Variants in NAALADL2 observed in about 807,000 individuals in gnomAD.
The protein encoded by NAALADL2 is N-acetylated alpha-linked acidic dipeptidase like 2.
Under a neutral mutation model 87.2 loss-of-function variants are expected in NAALADL2, and 76 were observed. The observed-to-expected ratio is 0.87, with a 90% CI of 0.72 to 1.05. The LOEUF (loss-of-function observed/expected upper bound fraction) is 1.05. Among genes scored for constraint, NAALADL2 ranks in the 50% least tolerant of loss-of-function variants. The pLI, the probability that NAALADL2 is intolerant of heterozygous loss-of-function variation, is 0.00. For synonymous variants in NAALADL2, 354 were observed against 331.0 expected, an observed-to-expected ratio of 1.07 and a Z score of -0.75; for missense variants, 1,089 against 945.8, an observed-to-expected ratio of 1.15 and a Z score of -1.99.
At chr3:175,724,448 C>A (rs1561039158) in intron 11 of NAALADL2, among the ~76,000 whole-genome samples, 1 of 152,056 alleles carries the variant, frequency 6.6e-6, no homozygotes, top group African/African-American at 2.4e-5. Flanking sequence ...ACTGTAAGAA[C>A]CTTGTCATGA....
At chr3:175,104,383 A>G (rs1343696168) in intron 2 of NAALADL2, among the ~76,000 whole-genome samples, 1 of 152,130 alleles carries the variant, frequency 6.6e-6, no homozygotes, top group Non-Finnish European at 1.5e-5. Flanking sequence ...TGACCCCACA[A>G]GAATATATTT....
intron 11 of NAALADL2, among the ~76,000 whole-genome samples, chr3:175,654,679 T>G (rs1731209662): frequency 1.3e-5 from 2 of 152,164 alleles, no homozygotes; most frequent in African/African-American, 4.8e-5. Flanking sequence ...CTTCACAGAT[T>G]TCTTTTCTTT....
intron 3 of NAALADL2, among the ~76,000 whole-genome samples, chr3:174,768,004 TTACC>T (rs1176578011): frequency 6.6e-6 from 1 of 152,186 alleles, no homozygotes; most frequent in South Asian, 2.1e-4. Flanking sequence ...TTAGAAACTG[TTACC>T]TCAATTCGAA....
intron 1 of NAALADL2, among the ~76,000 whole-genome samples, chr3:175,012,571 C>T (rs964487695): frequency 1.4e-4 from 22 of 152,058 alleles, no homozygotes; most frequent in Admixed American, 8.5e-4. Context: ...TAACGTGTTA[C>T]GGACATTATA....
intron 11 of NAALADL2, among the ~76,000 whole-genome samples, chr3:175,637,813 C>T (rs1437585802): frequency 6.6e-6 from 1 of 152,116 alleles, no homozygotes; most frequent in East Asian, 1.9e-4. Flanking sequence ...CAGACTAAGA[C>T]AGCAATTAAA....
chr3:175,130,399 G>A (rs1298999765), intron 2 of NAALADL2, among the ~76,000 whole-genome samples: 4 of 151,846 alleles, frequency 2.6e-5, no homozygotes, highest in South Asian at 4.1e-4. Context: ...TTTTGGTATC[G>A]TATCCAAAAA....
intron 1 of NAALADL2, among the ~76,000 whole-genome samples, chr3:174,882,605 A>T: frequency 7.5e-6 from 1 of 133,064 alleles, no homozygotes; most frequent in South Asian, 2.2e-4. Flanking sequence ...ATACACATAC[A>T]TATATGTGCA....
chr3:175,567,556 G>A (rs754425140), intron 9 of NAALADL2, among the ~76,000 whole-genome samples: 2 of 151,986 alleles, frequency 1.3e-5, no homozygotes, highest in African/African-American at 4.8e-5. Context: ...TTCCAATTTG[G>A]CAATGCTACT....
chr3:174,924,638 C>A (rs1423887573), intron 1 of NAALADL2, among the ~76,000 whole-genome samples: 2 of 152,132 alleles, frequency 1.3e-5, no homozygotes, highest in African/African-American at 4.8e-5. Context: ...AATCGCCACA[C>A]TGTCTTCCAC....
chr3:175,622,048 T>C (rs992066523), intron 10 of NAALADL2, among the ~76,000 whole-genome samples: 3 of 152,208 alleles, frequency 2.0e-5, no homozygotes, highest in African/African-American at 7.2e-5. Flanking sequence ...TCATTTGCAA[T>C]GCCAGAAGAA....
At chr3:175,564,355 G>A (rs62288397) in intron 9 of NAALADL2, among the ~76,000 whole-genome samples, 1 of 151,868 alleles carries the variant, frequency 6.6e-6, no homozygotes, top group Non-Finnish European at 1.5e-5. Context: ...TTTAAAGGAA[G>A]GTACTAAACT....
chr3:174,923,499 G>C (rs1195360539), intron 1 of NAALADL2, among the ~76,000 whole-genome samples: 1 of 152,106 alleles, frequency 6.6e-6, no homozygotes, highest in Non-Finnish European at 1.5e-5. Flanking sequence ...AAACAAAATA[G>C]TAATGAATTT....
At chr3:175,593,864 C>T (rs1721877244) in intron 10 of NAALADL2, among the ~76,000 whole-genome samples, 1 of 152,076 alleles carries the variant, frequency 6.6e-6, no homozygotes, top group African/African-American at 2.4e-5. Context: ...AGGGCTTCAA[C>T]ATCTTTTGGG....
At chr3:175,408,661 G>A (rs913961725) in intron 5 of NAALADL2, among the ~76,000 whole-genome samples, 3 of 151,956 alleles carry the variant, frequency 2.0e-5, no homozygotes, top group Non-Finnish European at 4.4e-5. Context: ...TAAAGACTGT[G>A]TTATGGTAAA....
rs532948428 is a variant in NAALADL2, at chr3:175,652,634, G to A, written c.1896+25248G>A. ...GCTGGGACTACAGGCGCCCACCACC[G>A]CGCCCGGCTAATTTTTTGTATTTTT... On this transcript the variant is annotated intron_variant, in intron 11 of 13. Coordinates refer to ENST00000454872, the MANE Select transcript of NAALADL2 (RefSeq NM_207015.3). 1.1e-3 allele frequency among the ~76,000 whole-genome samples: 174 copies of A among 151,310 alleles called. 1 individual carries two copies. The highest frequency in any genetic ancestry group is 3.6e-3 in the African/African-American group (149 of 41,234).
intron 3 of NAALADL2, among the ~76,000 whole-genome samples, chr3:174,781,894 T>C (rs1039331460): frequency 6.6e-6 from 1 of 152,000 alleles, no homozygotes; most frequent in African/African-American, 2.4e-5. Flanking sequence ...CAAGATGAAA[T>C]GGGAATGCTT....
intron 2 of NAALADL2, among the ~76,000 whole-genome samples, chr3:174,666,127 GAAAAACATAATAC>G (rs1287426204): frequency 6.6e-6 from 1 of 151,996 alleles, no homozygotes; most frequent in Non-Finnish European, 1.5e-5. Flanking sequence ...CTATAAACTA[GAAAAACATAATAC>G]ACACTTACTT....
chr3:175,485,099 T>C (rs1478557962), intron 9 of NAALADL2, among the ~76,000 whole-genome samples: 1 of 152,192 alleles, frequency 6.6e-6, no homozygotes, highest in Admixed American at 6.6e-5. Flanking sequence ...CCTTGACTAT[T>C]GCTTAACCTC....
intron 3 of NAALADL2, among the ~76,000 whole-genome samples, chr3:174,760,310 G>C (rs879860885): frequency 1.3e-5 from 2 of 152,136 alleles, no homozygotes; most frequent in Non-Finnish European, 2.9e-5. Context: ...CCGAGGAGGA[G>C]TGATAGTAAT....
Sources: allele counts gnomAD v4.1 joint callset (sites outside exome capture counted in the v4.1 genomes callset), GRCh38; gene constraint gnomAD v4.1.1; transcripts MANE v1.5; gene names NCBI Gene and HGNC (gene_info 2026-07-23, HGNC 2026-07-21).